Variants in SORCS3 observed in about 807,000 individuals in gnomAD.
SORCS3 encodes the protein VPS10 domain-containing receptor SorCS3.
SORCS3 carries 57 observed loss-of-function variants against 146.3 expected under a neutral mutation model. The observed-to-expected ratio is 0.39, with a 90% CI of 0.31 to 0.49. The LOEUF (loss-of-function observed/expected upper bound fraction) is 0.49. Ranked by LOEUF, SORCS3 falls within the 20% of genes least tolerant of loss-of-function variation. The pLI is 0.92. For synonymous variants in SORCS3, 653 were observed against 618.5 expected, an observed-to-expected ratio of 1.06 and a Z score of -0.83; for missense variants, 1,341 against 1,575.5, an observed-to-expected ratio of 0.85 and a Z score of 2.52.
chr10:105,260,778 T>A (rs950238681), intron 25 of SORCS3, among the ~76,000 whole-genome samples: 1 of 152,168 alleles, frequency 6.6e-6, no homozygotes, highest in Non-Finnish European at 1.5e-5. Flanking sequence ...CCTTTAGAGT[T>A]GCATGGGATG....
intron 4 of SORCS3, among the ~76,000 whole-genome samples, chr10:104,991,817 G>A (rs965195524): frequency 1.3e-5 from 2 of 152,114 alleles, no homozygotes; most frequent in Admixed American, 6.5e-5. Flanking sequence ...CTTCTTACGT[G>A]AACATTGCTT....
At chr10:105,245,805 C>G in intron 21 of SORCS3, 140 bp downstream of exon 21, 1 of 986,790 alleles carries the variant, frequency 1.0e-6, no homozygotes, top group Non-Finnish European at 1.5e-6. Context: ...GCTTCCAAAC[C>G]TACCTCCGAC....
chr10:104,869,260 A>G (rs1224219851), intron 2 of SORCS3, among the ~76,000 whole-genome samples: 1 of 152,214 alleles, frequency 6.6e-6, no homozygotes, highest in Non-Finnish European at 1.5e-5. Context: ...TGTAAATTTC[A>G]GCCTGGGTCC....
intron 2 of SORCS3, among the ~76,000 whole-genome samples, chr10:104,867,915 TC>T (rs1402460024): frequency 2.0e-5 from 3 of 152,232 alleles, no homozygotes. Context: ...TTTAAGTGGA[TC>T]ATTTTCTTCC....
intron 14 of SORCS3, among the ~76,000 whole-genome samples, chr10:105,193,306 C>T (rs977447362): frequency 6.6e-6 from 1 of 152,166 alleles, no homozygotes; most frequent in African/African-American, 2.4e-5. Flanking sequence ...ACAACTCAGC[C>T]ACATTCTTTG....
At chr10:104,653,997 C>T (rs192675695) in intron 1 of SORCS3, among the ~76,000 whole-genome samples, 16 of 152,160 alleles carry the variant, frequency 1.1e-4, no homozygotes, top group Non-Finnish European at 2.1e-4. Flanking sequence ...CTACTCTATG[C>T]GCATGGGTTC....
At chr10:104,800,407 T>C (rs1467726727) in intron 1 of SORCS3, among the ~76,000 whole-genome samples, 1 of 152,168 alleles carries the variant, frequency 6.6e-6, no homozygotes, top group Non-Finnish European at 1.5e-5. Context: ...CAATGGTAAG[T>C]GTCATTATAC....
At chr10:104,844,279 A>C (rs76077923) in intron 2 of SORCS3, among the ~76,000 whole-genome samples, 1 of 152,254 alleles carries the variant, frequency 6.6e-6, no homozygotes, top group African/African-American at 2.4e-5. Flanking sequence ...CTTCAAGCCC[A>C]AGCACAATGA....
At chr10:104,668,489 T>G (rs1564655154) in intron 1 of SORCS3, among the ~76,000 whole-genome samples, 1 of 152,186 alleles carries the variant, frequency 6.6e-6, no homozygotes, top group Non-Finnish European at 1.5e-5. Flanking sequence ...TTACCTGTAT[T>G]CCCTACATTT....
chr10:104,682,049 C>T (rs1306278608), intron 1 of SORCS3, among the ~76,000 whole-genome samples: 2 of 152,072 alleles, frequency 1.3e-5, no homozygotes, highest in East Asian at 3.9e-4. Context: ...GTTTTGTTTC[C>T]AGGCTGCCAT....
chr10:104,863,471 C>T (rs1243253455), intron 2 of SORCS3, among the ~76,000 whole-genome samples: 2 of 152,194 alleles, frequency 1.3e-5, no homozygotes, highest in African/African-American at 4.8e-5. Context: ...CCTCTCACTT[C>T]TTCATTTTGA....
chr10:104,776,369 C>T (rs887447757), intron 1 of SORCS3, among the ~76,000 whole-genome samples: 3 of 152,102 alleles, frequency 2.0e-5, no homozygotes, highest in African/African-American at 7.2e-5. Flanking sequence ...TCTGCTAGGC[C>T]AGCTCAAATG....
chr10:105,031,354 CACACACACAA>C (rs1425581982), intron 4 of SORCS3, among the ~76,000 whole-genome samples: 61 of 145,476 alleles, frequency 4.2e-4, no homozygotes, highest in African/African-American at 1.7e-3. Flanking sequence ...CACACACACA[CACACACACAA>C]AAACATGTAT....
intron 3 of SORCS3, among the ~76,000 whole-genome samples, chr10:104,969,351 G>A (rs963377441): frequency 6.6e-5 from 10 of 150,742 alleles, no homozygotes; most frequent in South Asian, 4.2e-4. Flanking sequence ...GCGCGCGCGC[G>A]TACAGAGCAT....
At chr10:104,998,269 G>T (rs985050592) in intron 4 of SORCS3, among the ~76,000 whole-genome samples, 2 of 152,120 alleles carry the variant, frequency 1.3e-5, no homozygotes, top group Admixed American at 6.6e-5. Context: ...TCCCAGATGT[G>T]TTATGTCGGG....
chr10:105,166,381 T>C (rs895917180), intron 12 of SORCS3, among the ~76,000 whole-genome samples: 5 of 152,164 alleles, frequency 3.3e-5, no homozygotes, highest in Non-Finnish European at 5.9e-5. Flanking sequence ...AAGCATACTT[T>C]CCCCTAGAAG....
intron 1 of SORCS3, among the ~76,000 whole-genome samples, chr10:104,699,898 G>A (rs2133429831): frequency 6.6e-6 from 1 of 152,268 alleles, no homozygotes; most frequent in Middle Eastern, 3.4e-3. Context: ...GATGCAATGT[G>A]AGCTTTGTTC....
chr10:104,899,973 T>C (rs955889068), intron 2 of SORCS3, among the ~76,000 whole-genome samples: 1 of 152,072 alleles, frequency 6.6e-6, no homozygotes, highest in Admixed American at 6.6e-5. Flanking sequence ...GACATGTATG[T>C]GGTGAGGTGT....
chr10:105,042,175 C>T (rs1228706134), intron 4 of SORCS3, among the ~76,000 whole-genome samples: 1 of 152,142 alleles, frequency 6.6e-6, no homozygotes, highest in African/African-American at 2.4e-5. Context: ...ACATGCCAAC[C>T]AGCAATGGAT....
Sources: allele counts gnomAD v4.1 joint callset (sites outside exome capture counted in the v4.1 genomes callset), GRCh38; gene constraint gnomAD v4.1.1; transcripts MANE v1.5; gene names NCBI Gene and HGNC (gene_info 2026-07-23, HGNC 2026-07-21).